FAM120C: variants seen among roughly 807,000 people sequenced by gnomAD.
FAM120C encodes the protein constitutive coactivator of PPAR-gamma-like protein 2.
Under a neutral mutation model 71.2 loss-of-function variants are expected in FAM120C, and 14 were observed. The observed-to-expected ratio is 0.20, with a 90% CI of 0.13 to 0.31. The LOEUF (loss-of-function observed/expected upper bound fraction) is 0.31, where lower values mean the gene tolerates loss of function less well. Ranked by LOEUF, FAM120C falls within the 10% of genes least tolerant of loss-of-function variation. The probability of loss-of-function intolerance (pLI) is 1.00; values close to 1 mark genes in which losing one functional copy is unlikely to be tolerated. For missense variants in FAM120C, 500 were observed against 879.0 expected (o/e 0.57, Z 5.45); for synonymous variants, 354 against 353.2 (o/e 1.00, Z -0.03).
At position 54,072,896 on chromosome X, in the gene FAM120C, T is replaced by G. The variant is rs1225992700; in HGVS notation, c.*137A>C. 2.8e-6 allele frequency: 2 copies of G among 725,899 alleles called. No individual in the cohort carries two copies. The highest frequency in any genetic ancestry group is 4.3e-5 in the African/African-American group (2 of 46,548). 59.8% of individuals were successfully genotyped at this position (725,899 alleles called of 1,213,427 possible). A position where few individuals can be genotyped will look rare whatever the true frequency, so the allele number is the denominator to read the frequency against. ...GAAACAGGCAGGGAAGGGGAAAAGATGGACACAATAGGACATCCCACCAAA... is the reference window on the plus strand; with the variant it reads ...GAAACAGGCAGGGAAGGGGAAAAGAGGGACACAATAGGACATCCCACCAAA... On this transcript the variant is annotated 3_prime_UTR_variant, in exon 16 of 16. Transcript: ENST00000375180.
At chrX:54,166,807 T>G (rs782182995) in intron 1 of FAM120C, among the ~76,000 whole-genome samples, 26 of 112,139 alleles carry the variant, frequency 2.3e-4, no homozygotes, top group Non-Finnish European at 4.7e-4. Flanking sequence ...ACTGATAATA[T>G]TGGTCCCCTC....
intron 4 of FAM120C, among the ~76,000 whole-genome samples, chrX:54,143,792 G>A (rs985411444): frequency 2.2e-4 from 24 of 111,607 alleles, no homozygotes; most frequent in Non-Finnish European, 3.6e-4. Context: ...AGAAAAAGAG[G>A]GAATCCTCCC....
Position 54,105,956 on chromosome X carries a change from T to A in FAM120C, c.2312+10589A>T, listed in dbSNP as rs112935252. 6.4e-3 allele frequency among the ~76,000 whole-genome samples: 718 copies of A among 112,032 alleles called. 5 individuals are homozygous for A. Among genetic ancestry groups the A allele is most frequent in the African/African-American group, 0.023 (697 of 30,880 alleles). ...ATTTCATGGTCATGGATAGGAAGAA[T>A]CAATGTCGTGAAAATGGCCATACTG... On this transcript the variant is annotated intron_variant, in intron 10 of 15. Transcript: ENST00000375180.
At chrX:54,115,704 A>G (rs2066964128) in intron 10 of FAM120C, among the ~76,000 whole-genome samples, 1 of 112,084 alleles carries the variant, frequency 8.9e-6, no homozygotes, top group Non-Finnish European at 1.9e-5. Context: ...ATCAATCAGT[A>G]TTAGTATTTG....
intron 10 of FAM120C, among the ~76,000 whole-genome samples, chrX:54,093,399 G>A (rs1037293779): frequency 5.4e-5 from 6 of 112,031 alleles, no homozygotes; most frequent in African/African-American, 1.9e-4. Flanking sequence ...CTGAGTCAGT[G>A]ACTAAATTTA....
At chrX:54,115,743 A>G (rs1557126527) in intron 10 of FAM120C, among the ~76,000 whole-genome samples, 6 of 111,746 alleles carry the variant, frequency 5.4e-5, no homozygotes, top group Non-Finnish European at 1.1e-4. Context: ...GTGAAGAGGA[A>G]CGATTGATAT....
chrX:54,129,197 G>C (rs1272298748), intron 9 of FAM120C, among the ~76,000 whole-genome samples: 2 of 107,995 alleles, frequency 1.9e-5, no homozygotes, highest in African/African-American at 6.7e-5. Context: ...GGTGGCTGCC[G>C]GGTGGAGACG....
chrX:54,110,807 C>T (rs1257788838), intron 10 of FAM120C, among the ~76,000 whole-genome samples: 4 of 110,452 alleles, frequency 3.6e-5, no homozygotes, highest in African/African-American at 9.9e-5. Context: ...TGCCTGTAGC[C>T]GCAGCACTTT....
intron 3 of FAM120C, among the ~76,000 whole-genome samples, chrX:54,155,714 A>C (rs2067206205): frequency 9.0e-6 from 1 of 111,303 alleles, no homozygotes; most frequent in Non-Finnish European, 1.9e-5. Flanking sequence ...ATGCTTACAC[A>C]ATCTGGAAAG....
chrX:54,149,174 G>A (rs900259320), intron 4 of FAM120C, among the ~76,000 whole-genome samples: 2 of 111,921 alleles, frequency 1.8e-5, no homozygotes, highest in Non-Finnish European at 3.8e-5. Flanking sequence ...ACCATAAATC[G>A]AAATAAATCT....
At chrX:54,078,068 C>T (rs1045760909) in intron 15 of FAM120C, among the ~76,000 whole-genome samples, 6 of 102,611 alleles carry the variant, frequency 5.8e-5, no homozygotes, top group South Asian at 4.8e-4. Flanking sequence ...CTCAGCCTCC[C>T]GAGTAGCTGG....
rs1160977603 is a variant in FAM120C, at chrX:54,167,403, A to T, written c.700-7787T>A. Among the ~76,000 whole-genome samples, 3 of 111,639 alleles carry T rather than the reference A, an allele frequency of 2.7e-5. No individual in the cohort carries two copies. The Admixed American group carries it at 2.9e-4, about 11-fold the overall frequency. ...GATTCAACTATAACATAACCAAACAACTGATCAGAGAAAACAGCACATTTG... is the reference window on the plus strand; with the variant it reads ...GATTCAACTATAACATAACCAAACATCTGATCAGAGAAAACAGCACATTTG... On this transcript the variant is annotated intron_variant, in intron 1 of 15. Transcript: ENST00000375180.
chrX:54,182,295 G>A (rs782747180), intron 1 of FAM120C, among the ~76,000 whole-genome samples: 2 of 110,426 alleles, frequency 1.8e-5, no homozygotes, highest in Non-Finnish European at 3.8e-5. Context: ...CCATGTAGGT[G>A]AGTGAATCCG....
In FAM120C at chrX:54,167,301, G is replaced by GT. The variant is rs781909778; in HGVS notation, c.700-7686dup. ...ACATTTATCATCACTGTTACCACCT[G>GT]TAAGCGCCTGGCCCAAATTGGTCCA... On this transcript the variant is annotated intron_variant, in intron 1 of 15. Coordinates refer to ENST00000375180, the MANE Select transcript of FAM120C (RefSeq NM_017848.6). Among the ~76,000 whole-genome samples, 97 of 112,102 alleles carry GT rather than the reference G, an allele frequency of 8.7e-4. 6 individuals are homozygous for GT. In the South Asian group the frequency reaches 0.036, roughly 42 times the overall value.
intron 4 of FAM120C, chrX:54,147,538 C>G (rs1324035784): frequency 9.1e-6 from 1 of 110,356 alleles, no homozygotes; most frequent in East Asian, 2.8e-4. Context: ...AGACAAAATA[C>G]CGCCGGGATT....
At chrX:54,125,134 G>A (rs1179723313) in intron 9 of FAM120C, among the ~76,000 whole-genome samples, 3 of 108,367 alleles carry the variant, frequency 2.8e-5, no homozygotes, top group East Asian at 2.9e-4. Flanking sequence ...GCTTGAGCCC[G>A]GGAGGCAGAG....
At chrX:54,114,619 A>C (rs782603733) in intron 10 of FAM120C, among the ~76,000 whole-genome samples, 4 of 110,820 alleles carry the variant, frequency 3.6e-5, no homozygotes, top group Non-Finnish European at 7.6e-5. Flanking sequence ...TTGTATTTTT[A>C]GTAGAGACAG....
At chrX:54,179,858 C>T (rs1557137108) in intron 1 of FAM120C, among the ~76,000 whole-genome samples, 1 of 111,627 alleles carries the variant, frequency 9.0e-6, no homozygotes, top group East Asian at 2.8e-4. Context: ...TTATACATTC[C>T]CCAAGAGTGC....
chrX:54,169,738 T>A (rs1434881233), intron 1 of FAM120C, among the ~76,000 whole-genome samples: 1 of 112,103 alleles, frequency 8.9e-6, no homozygotes, highest in Non-Finnish European at 1.9e-5. Flanking sequence ...ATGGATTATG[T>A]ATAAGTCTGG....
Sources: allele counts gnomAD v4.1 joint callset (sites outside exome capture counted in the v4.1 genomes callset), GRCh38; gene constraint gnomAD v4.1.1; transcripts MANE v1.5; gene names NCBI Gene and HGNC (gene_info 2026-07-23, HGNC 2026-07-21).